Variants in JADE3 observed in about 807,000 individuals in gnomAD.
The protein encoded by JADE3 is jade family PHD finger 3.
Under a neutral mutation model 50.1 loss-of-function variants are expected in JADE3, and 2 were observed. The ratio of observed to expected loss-of-function variants is 0.04; its 90% CI spans 0.02 to 0.13. The LOEUF (loss-of-function observed/expected upper bound fraction) is 0.13. Ranked by LOEUF, JADE3 falls within the 10% of genes least tolerant of loss-of-function variation. JADE3 has a pLI of 1.00. For synonymous variants in JADE3, 218 were observed against 232.9 expected, an observed-to-expected ratio of 0.94 and a Z score of 0.58; for missense variants, 475 against 634.4, an observed-to-expected ratio of 0.75 and a Z score of 2.70.
intron 1 of JADE3, among the ~76,000 whole-genome samples, chrX:46,928,921 C>T (rs922015153): frequency 5.4e-5 from 6 of 111,869 alleles, no homozygotes; most frequent in Admixed American, 4.8e-4. Flanking sequence ...CTGCATGTAG[C>T]GTGATCTAAT....
chrX:46,983,739 G>A (rs1357661973), intron 1 of JADE3, among the ~76,000 whole-genome samples: 1 of 111,687 alleles, frequency 9.0e-6, no homozygotes, highest in Non-Finnish European at 1.9e-5. Flanking sequence ...TCTCGAATAA[G>A]TACTTCATTT....
rs782820276 is a variant in JADE3, at chrX:47,058,822, T to C, written c.2217T>C (p.Asn739=). The change falls in exon 11 of 11, where the codon AAT becomes AAC. Residue 739 remains asparagine, a synonymous_variant. Transcript: ENST00000614628. ...AGTGCTATGTGAAGCCAACCAAGAA[T>C]ATGAGCCCCAAGGAGCAGTTCTGGG... The part of the protein sequence containing the change: ...DLQCYVKPTK[N]MSPKEQFWGR... 1.3e-4 allele frequency: 151 copies of C among 1,207,982 alleles called. No homozygotes were observed. Among genetic ancestry groups the C allele is most frequent in the Non-Finnish European group, 1.6e-4 (141 of 893,807 alleles).
At chrX:46,982,736 G>A (rs1482323031) in intron 1 of JADE3, among the ~76,000 whole-genome samples, 4 of 111,417 alleles carry the variant, frequency 3.6e-5, no homozygotes, top group Admixed American at 1.9e-4. Context: ...ACCCTGGGAT[G>A]ACAGTGGGTT....
At chrX:46,990,688 C>A (rs1258405880) in intron 3 of JADE3, among the ~76,000 whole-genome samples, 1 of 111,598 alleles carries the variant, frequency 9.0e-6, no homozygotes, top group African/African-American at 3.3e-5. Flanking sequence ...TTTTTAACAT[C>A]TTTTCTTGAA....
intron 1 of JADE3, among the ~76,000 whole-genome samples, chrX:46,941,591 C>A (rs1279857440): frequency 9.0e-6 from 1 of 111,671 alleles, no homozygotes; most frequent in Non-Finnish European, 1.9e-5. Flanking sequence ...TTAATAATAG[C>A]CATTCTGACT....
chrX:46,932,745 A>G (rs1328982694), intron 1 of JADE3, among the ~76,000 whole-genome samples: 1 of 111,620 alleles, frequency 9.0e-6, no homozygotes, highest in Non-Finnish European at 1.9e-5. Flanking sequence ...TCACAGGAAT[A>G]ATTTTGGATA....
intron 1 of JADE3, among the ~76,000 whole-genome samples, chrX:46,937,986 TAAAC>T (rs782007229): frequency 2.7e-5 from 3 of 111,687 alleles, no homozygotes; most frequent in South Asian, 7.5e-4. Flanking sequence ...CTCAAATAAA[TAAAC>T]AAATAAATAA....
intron 1 of JADE3, among the ~76,000 whole-genome samples, chrX:46,925,918 C>T (rs1187664033): frequency 9.2e-6 from 1 of 108,785 alleles, no homozygotes; most frequent in Non-Finnish European, 1.9e-5. Flanking sequence ...TGCACTGGCC[C>T]TATCATAGCT....
intron 5 of JADE3, among the ~76,000 whole-genome samples, chrX:47,026,234 G>T (rs1421773254): frequency 3.6e-5 from 4 of 112,094 alleles, no homozygotes; most frequent in African/African-American, 1.3e-4. Context: ...GCTGCCTTTG[G>T]CATGAAACTA....
intron 4 of JADE3, among the ~76,000 whole-genome samples, chrX:47,002,995 GT>G (rs1928321958): frequency 9.0e-6 from 1 of 111,412 alleles, no homozygotes; most frequent in Non-Finnish European, 1.9e-5. Context: ...ATGTGTGGTA[GT>G]TTTTTTCATA....
intron 1 of JADE3, among the ~76,000 whole-genome samples, chrX:46,984,269 C>T (rs1221957957): frequency 3.6e-5 from 4 of 112,150 alleles, no homozygotes; most frequent in African/African-American, 9.7e-5. Flanking sequence ...TAGTCCAAAG[C>T]ATTTTTATTT....
intron 1 of JADE3, among the ~76,000 whole-genome samples, chrX:46,973,840 G>A (rs782727708): frequency 1.3e-3 from 147 of 112,171 alleles, no homozygotes; most frequent in Non-Finnish European, 2.2e-3. Context: ...CAGCACTTTG[G>A]GAGGCCGAAG....
At chrX:47,011,423 G>A (rs1488169133) in intron 4 of JADE3, among the ~76,000 whole-genome samples, 4 of 111,893 alleles carry the variant, frequency 3.6e-5, no homozygotes, top group African/African-American at 9.7e-5. Context: ...CATATGGGCT[G>A]TTACGAATAA....
intron 1 of JADE3, among the ~76,000 whole-genome samples, chrX:46,925,444 C>T (rs781979198): frequency 2.3e-4 from 26 of 112,262 alleles, no homozygotes; most frequent in Non-Finnish European, 4.7e-4. Flanking sequence ...TATAGTATAG[C>T]TATTTTAATT....
At chrX:46,966,282 T>A (rs952087195) in intron 1 of JADE3, among the ~76,000 whole-genome samples, 1 of 111,891 alleles carries the variant, frequency 8.9e-6, no homozygotes, top group Admixed American at 9.5e-5. Flanking sequence ...CAGCTTGATG[T>A]ATCTGGTTGT....
At chrX:46,917,834 C>CACTCT (rs1556336773) in intron 1 of JADE3, among the ~76,000 whole-genome samples, 2 of 42,545 alleles carry the variant, frequency 4.7e-5, no homozygotes, top group Non-Finnish European at 8.3e-5. Context: ...TCTCTCTCAT[C>CACTCT]CTCTCTCTCT....
At chrX:47,013,943 G>GATCCC (rs1556362300) in intron 4 of JADE3, among the ~76,000 whole-genome samples, 1 of 111,969 alleles carries the variant, frequency 8.9e-6, no homozygotes, top group African/African-American at 3.2e-5. Context: ...AAAAACTGTT[G>GATCCC]CCATGACCTT....
intron 4 of JADE3, among the ~76,000 whole-genome samples, chrX:47,005,720 C>T (rs1928399108): frequency 8.9e-6 from 1 of 111,946 alleles, no homozygotes; most frequent in Non-Finnish European, 1.9e-5. Context: ...CACCTCTGTT[C>T]AGCAGTGTCA....
At chrX:46,987,782 G>A (rs1927893946) in intron 3 of JADE3, among the ~76,000 whole-genome samples, 1 of 112,011 alleles carries the variant, frequency 8.9e-6, no homozygotes, top group Admixed American at 9.4e-5. Flanking sequence ...AAGGGCTTTG[G>A]GTTTTGAGGC....
Sources: allele counts gnomAD v4.1 joint callset (sites outside exome capture counted in the v4.1 genomes callset), GRCh38; gene constraint gnomAD v4.1.1; transcripts MANE v1.5; gene names NCBI Gene and HGNC (gene_info 2026-07-23, HGNC 2026-07-21).